Variants in FBH1 observed in about 807,000 individuals in gnomAD.
The protein encoded by FBH1 is F-box DNA helicase 1.
A neutral mutation model predicts 115.5 loss-of-function variants in FBH1; 43 were observed. That is an observed-to-expected ratio of 0.37 (90% CI 0.29 to 0.48). The LOEUF (loss-of-function observed/expected upper bound fraction) is 0.48, where lower values mean the gene tolerates loss of function less well. Among genes scored for constraint, FBH1 ranks in the 20% least tolerant of loss-of-function variants. The pLI, the probability that FBH1 is intolerant of heterozygous loss-of-function variation, is 0.99. For synonymous variants in FBH1, 524 were observed against 507.8 expected (o/e 1.03, Z -0.43); for missense variants, 1,001 against 1,337.3 (o/e 0.75, Z 3.92).
Position 5,923,794 on chromosome 10 carries a change from TC to T in FBH1, c.2398+100del. The T allele has an allele frequency of 1.7e-6, 2 of 1,154,572 alleles. No individual in the cohort carries two copies. The highest frequency in any genetic ancestry group is 2.5e-6 in the Non-Finnish European group (2 of 789,762). The allele number at this position is 1,154,572 out of a possible 1,614,324, so 71.5% of individuals were successfully genotyped here. A position where few individuals can be genotyped will look rare whatever the true frequency, so the allele number is the denominator to read the frequency against. The stretch of plus-strand genomic sequence containing the variant: ...AGTCTGAGTCAGGGACCCGTTTCCC[TC>T]CAGAGAAGGGCGAGCTAGTGTTGCT... On this transcript the variant is annotated intron_variant, in intron 16 of 20. Transcript: ENST00000362091. The surrounding 1 kb of genome is among the most constrained non-coding windows in gnomAD (Gnocchi z 5.7).
At chr10:5,922,215 T>C (rs2132050404) in intron 15 of FBH1, among the ~76,000 whole-genome samples, 1 of 152,372 alleles carries the variant, frequency 6.6e-6, no homozygotes, top group African/African-American at 2.4e-5. Flanking sequence ...TGTTTTAAGT[T>C]TTTTGTTTAT....
In FBH1 at chr10:5,921,102, A is replaced by G. The variant is rs7920629; in HGVS notation, c.2101-156A>G. Among the ~76,000 whole-genome samples, 452 of 152,356 alleles carry G rather than the reference A, an allele frequency of 3.0e-3. 2 individuals are homozygous for G. Among genetic ancestry groups the G allele is most frequent in the African/African-American group, 9.9e-3 (412 of 41,582 alleles). On this transcript the variant is annotated intron_variant, in intron 13 of 20. Coordinates refer to ENST00000362091, the MANE Select transcript of FBH1 (RefSeq NM_178150.3). The surrounding 1 kb of genome is among the most constrained non-coding windows in gnomAD (Gnocchi z 6.4). ...GAAAATAAAGACTGCTGAGTTGTGA[A>G]GGACCTTGAAAGTGAGCCTGTGAAG... is the stretch of plus-strand genomic sequence containing the variant.
rs1832461157 is a variant in FBH1 at position 5,923,904 on chromosome 10, C to T, written c.2398+208C>T. 3.4e-6 allele frequency: 2 copies of T among 589,932 alleles called. No individual in the cohort carries two copies. The highest frequency in any genetic ancestry group is 2.8e-5 in the East Asian group (1 of 35,220). The allele number at this position is 589,932 out of a possible 1,614,324, so 36.5% of individuals were successfully genotyped here. A position where few individuals can be genotyped will look rare whatever the true frequency, so the allele number is the denominator to read the frequency against. Reference sequence around the variant, plus strand: ...TTTTCCAGATCCTCCTCACAGGAGCCTCAGTCTCTTTCCAACACTGGTCCC... The same window carrying T: ...TTTTCCAGATCCTCCTCACAGGAGCTTCAGTCTCTTTCCAACACTGGTCCC... On this transcript the variant is annotated intron_variant, in intron 16 of 20. Coordinates refer to ENST00000362091, the MANE Select transcript of FBH1 (RefSeq NM_178150.3). The surrounding 1 kb of genome is among the most constrained non-coding windows in gnomAD (Gnocchi z 5.7).
At position 5,911,264 on chromosome 10, in the gene FBH1, T is replaced by A; in HGVS notation, c.1211+136T>A. 1.2e-6 allele frequency: 1 copy of A among 818,596 alleles called. No individual in the cohort carries two copies. The highest frequency in any genetic ancestry group is 1.9e-6 in the Non-Finnish European group (1 of 530,722). 50.7% of individuals were successfully genotyped at this position (818,596 alleles called of 1,614,324 possible). On this transcript the variant is annotated intron_variant, in intron 6 of 20. Coordinates refer to ENST00000362091, the MANE Select transcript of FBH1 (RefSeq NM_178150.3). The surrounding 1 kb of genome is among the most constrained non-coding windows in gnomAD (Gnocchi z 5.4). ...ACCCACCTGCTCCACCTCAGTGTCATCTTCTGCAGGAGCCAGGGGCTGAGA... is the reference window on the plus strand; with the variant it reads ...ACCCACCTGCTCCACCTCAGTGTCAACTTCTGCAGGAGCCAGGGGCTGAGA...
chr10:5,897,792 A>G lies in FBH1; in HGVS notation c.2-5228A>G, dbSNP rs982462809. Among the ~76,000 whole-genome samples, 2 of 152,190 alleles carry G rather than the reference A, an allele frequency of 1.3e-5. No individual in the cohort carries two copies. Among genetic ancestry groups the G allele is most frequent in the African/African-American group, 4.8e-5 (2 of 41,432 alleles). On this transcript the variant is annotated intron_variant, in intron 1 of 20. Transcript: ENST00000362091. The surrounding 1 kb of genome is among the most constrained non-coding windows in gnomAD (Gnocchi z 4.7). The stretch of plus-strand genomic sequence containing the variant: ...CAGAACACAGTGTTCCAACACTCCC[A>G]TTAGCACTTTCTGTTACTCCTGTGT...
rs779511880 is a variant in FBH1, at chr10:5,937,306, G to A, written c.*26G>A. 2 of 1,517,664 alleles carry A rather than the reference G, an allele frequency of 1.3e-6. No individual in the cohort carries two copies. The highest frequency in any genetic ancestry group is 2.6e-5 in the South Asian group (2 of 77,368). The allele number at this position is 1,517,664 out of a possible 1,614,324, so 94.0% of individuals were successfully genotyped here. On this transcript the variant is annotated 3_prime_UTR_variant, in exon 21 of 21. Transcript: ENST00000362091. ...GGACAAGGCGCACGTTCTCCGCAGT[G>A]CAGAGCAGCTTGCCGAGGACCCCGC...
rs1191391401 is a variant in FBH1, at chr10:5,935,101, C to A, written c.2830-1355C>A. 1.3e-5 allele frequency: 2 copies of A among 152,202 alleles called. No homozygotes were observed. Among genetic ancestry groups the A allele is most frequent in the African/African-American group, 4.8e-5 (2 of 41,446 alleles). The allele number at this position is 152,202 out of a possible 1,614,324, so 9.4% of individuals were successfully genotyped here. On this transcript the variant is annotated intron_variant, in intron 19 of 20. Transcript: ENST00000362091. This position sits in a 1 kb window ranked among gnomAD's most constrained non-coding sequence, Gnocchi z 5.2. The stretch of plus-strand genomic sequence containing the variant: ...TTAGGTTAAGTCATGTTTTGTGAAA[C>A]TTTTCTTCCATGTGTGTTTCTTACA...
At chr10:5,905,125 G>A (rs905791934) in intron 2 of FBH1, 2 of 152,228 alleles carry the variant, frequency 1.3e-5, no homozygotes, top group African/African-American at 2.4e-5. Flanking sequence ...GAACAAACAT[G>A]TAGAAGAGAT....
Position 5,908,963 on chromosome 10 carries a change from G to A in FBH1, c.792G>A (p.Met264Ile). The A allele has an allele frequency of 1.9e-6, 3 of 1,614,158 alleles. No individual in the cohort carries two copies. The highest frequency in any genetic ancestry group is 2.5e-6 in the Non-Finnish European group (3 of 1,180,024). Reference protein sequence around the residue: ...PWKKLYHRYLMNEEQAVSKVD... With the variant: ...PWKKLYHRYLINEEQAVSKVD... Reference sequence around the variant, plus strand: ...AGAAGCTGTACCATCGATACCTGATGAATGAAGAGCAAGCTGTCAGCAAAG... The same window carrying A: ...AGAAGCTGTACCATCGATACCTGATAAATGAAGAGCAAGCTGTCAGCAAAG... Residue 264 changes from methionine to isoleucine, a missense_variant, in exon 4 of 21, where the codon ATG (methionine) becomes ATA (isoleucine). Physicochemically the swap from Met to Ile is conservative, Grantham distance 10 (BLOSUM62 1). Transcript: ENST00000362091.
At chr10:5,891,902 G>A (rs987821112) in intron 1 of FBH1, among the ~76,000 whole-genome samples, 2 of 152,204 alleles carry the variant, frequency 1.3e-5, no homozygotes, top group East Asian at 3.8e-4. Flanking sequence ...GTGAGCCACC[G>A]TGCCTAGCCA....
Position 5,913,681 on chromosome 10 carries a change from G to T in FBH1, c.1212-66G>T. The T allele has an allele frequency of 1.7e-6, 2 of 1,144,408 alleles. No individual in the cohort carries two copies. Among genetic ancestry groups the T allele is most frequent in the East Asian group, 5.4e-5 (2 of 37,274 alleles). The allele number at this position is 1,144,408 out of a possible 1,614,324, so 70.9% of individuals were successfully genotyped here. On this transcript the variant is annotated intron_variant, in intron 6 of 20. Coordinates refer to ENST00000362091, the MANE Select transcript of FBH1 (RefSeq NM_178150.3). This position sits in a 1 kb window ranked among gnomAD's most constrained non-coding sequence, Gnocchi z 4.4. The stretch of plus-strand genomic sequence containing the variant: ...TGGGAAGGAGTTTAAATCCATCTGA[G>T]GAAAAATAAGATGCAGATTGTGACT...
chr10:5,894,990 T>C, intron 1 of FBH1: 1 of 1,563,808 alleles, frequency 6.4e-7, no homozygotes, highest in Non-Finnish European at 8.7e-7. Context: ...AGTGAATACT[T>C]TTATGGTGCT....
chr10:5,927,095 G>A (rs1030142512), intron 18 of FBH1, among the ~76,000 whole-genome samples: 3 of 152,156 alleles, frequency 2.0e-5, no homozygotes, highest in Non-Finnish European at 4.4e-5. Context: ...TCTAAGCCTC[G>A]GTTTCCCCGT....
intron 19 of FBH1, chr10:5,929,764 T>A (rs1832867191): frequency 6.6e-6 from 1 of 152,218 alleles, no homozygotes; most frequent in Non-Finnish European, 1.5e-5. Flanking sequence ...TTTGCTGACC[T>A]CTGGTTTAAA....
rs148568216 is a variant in FBH1 at position 5,903,034 on chromosome 10, C to T, written c.16C>T (p.Arg6Trp). 1.2e-5 allele frequency: 20 copies of T among 1,611,106 alleles called. No homozygotes were observed. Among genetic ancestry groups the T allele is most frequent in the Admixed American group, 6.7e-5 (4 of 59,586 alleles). Residue 6 changes from arginine to tryptophan, a missense_variant, in exon 2 of 21, where the codon CGG (arginine) becomes TGG (tryptophan). This residue lies in a region of FBH1 where 420 missense variants were observed against 430.4 expected (regional missense o/e 0.98). Coordinates refer to ENST00000362091, the MANE Select transcript of FBH1 (RefSeq NM_178150.3). MRRFKRKHLTAIDCQH... is the reference protein window; with the variant it reads MRRFKWKHLTAIDCQH... ...GTATGAAACAGTGAGACGGTTTAAG[C>T]GGAAGCATCTTACTGCCATTGACTG...
rs76809206 is a variant in FBH1 at position 5,914,425 on chromosome 10, C to T, written c.1396+156C>T. ...ATAATCAATCTCAAAAGCAATTGGC[C>T]AAGGAATACTTACTTCCCCGGACCA... On this transcript the variant is annotated intron_variant, in intron 8 of 20. Coordinates refer to ENST00000362091, the MANE Select transcript of FBH1 (RefSeq NM_178150.3). This position sits in a 1 kb window ranked among gnomAD's most constrained non-coding sequence, Gnocchi z 5.2. 5.0e-3 allele frequency among the ~76,000 whole-genome samples: 762 copies of T among 152,326 alleles called. 7 individuals carry two copies. Among genetic ancestry groups the T allele is most frequent in the African/African-American group, 0.018 (739 of 41,564 alleles).
Position 5,936,485 on chromosome 10 carries a change from C to T in FBH1, c.2859C>T (p.Ser953=). 4 of 1,614,040 alleles carry T rather than the reference C, an allele frequency of 2.5e-6. No individual in the cohort carries two copies. The highest frequency in any genetic ancestry group is 3.4e-6 in the Non-Finnish European group (4 of 1,179,960). Residue 953 remains serine, a synonymous_variant, in exon 20 of 21, where the codon AGC becomes AGT. Transcript: ENST00000362091. This position sits in a 1 kb window ranked among gnomAD's most constrained non-coding sequence, Gnocchi z 5.6. ...ACTTCTTGCAAGCAGAGCTGACAAG[C>T]AACGTCTTAAAAACAGGCGTGGTGC... ...GEYFLQAELT[S]NVLKTGVVRC...
At chr10:5,894,136 G>A (rs543757943) in intron 1 of FBH1, 1 of 985,410 alleles carries the variant, frequency 1.0e-6, no homozygotes, top group African/African-American at 1.7e-5. Context: ...GGCTGTGGTA[G>A]CCTGGCTCTG....
Position 5,937,143 on chromosome 10 carries a change from T to A in FBH1, c.2995T>A (p.Cys999Ser). The A allele has an allele frequency of 6.2e-7, 1 of 1,612,412 alleles. No individual in the cohort carries two copies. The highest frequency in any genetic ancestry group is 8.5e-7 in the Non-Finnish European group (1 of 1,179,108). Reference protein sequence around the residue: ...NRKENKGGYLCHSCAEQRIGP... With the variant: ...NRKENKGGYLSHSCAEQRIGP... ...GAAGGAAAACAAGGGGGGCTACCTC[T>A]GCCACTCCTGTGCGGAGCAGCGCAT... The change falls in exon 21 of 21, where the codon TGC (cysteine) becomes AGC (serine). Residue 999 changes from cysteine (C) to serine (S), a missense_variant. This residue lies in a region of FBH1 where 521 missense variants were observed against 811.0 expected (regional missense o/e 0.64). Transcript: ENST00000362091.
Sources: gnomAD v4.1 joint callset for allele counts (sites outside exome capture counted in the v4.1 genomes callset) on GRCh38, gnomAD v4.1.1 for gene constraint, gnomAD v4.1.1 regional missense constraint, Gnocchi (gnomAD v3.1) non-coding constraint, MANE v1.5 for transcripts, NCBI Gene and HGNC (gene_info 2026-07-23, HGNC 2026-07-21) for gene names.